Variants in OPCML observed in about 807,000 individuals in gnomAD.
The protein encoded by OPCML is opioid-binding protein/cell adhesion molecule.
OPCML carries 13 observed loss-of-function variants against 37.8 expected under a neutral mutation model. The ratio of observed to expected loss-of-function variants is 0.34; its 90% CI spans 0.22 to 0.55. The LOEUF (loss-of-function observed/expected upper bound fraction) is 0.55, where lower values mean the gene tolerates loss of function less well. Ranked by LOEUF, OPCML falls within the 20% of genes least tolerant of loss-of-function variation. The probability of loss-of-function intolerance (pLI) is 0.91; values close to 1 mark genes in which losing one functional copy is unlikely to be tolerated. For missense variants in OPCML, 341 were observed against 435.6 expected, an observed-to-expected ratio of 0.78 and a Z score of 1.93; for synonymous variants, 176 against 168.8, an observed-to-expected ratio of 1.04 and a Z score of -0.33.
rs144468052 is a variant in OPCML at position 132,629,301 on chromosome 11, C to T, written c.379+27786G>A. 5.9e-3 allele frequency among the ~76,000 whole-genome samples: 900 copies of T among 152,298 alleles called. 13 individuals carry two copies. The highest frequency in any genetic ancestry group is 0.02 in the African/African-American group (832 of 41,568). On this transcript the variant is annotated intron_variant, in intron 3 of 7. Coordinates refer to ENST00000524381, the MANE Select transcript of OPCML (RefSeq NM_001012393.5). ...TCTAATTAAAGCAAATCCCAGGTGTCTGATTAAAACAACTTACTGAGTACA... is the reference window on the plus strand; with the variant it reads ...TCTAATTAAAGCAAATCCCAGGTGTTTGATTAAAACAACTTACTGAGTACA...
At chr11:132,704,328 A>G (rs1943949654) in intron 2 of OPCML, among the ~76,000 whole-genome samples, 1 of 152,248 alleles carries the variant, frequency 6.6e-6, no homozygotes, top group South Asian at 2.1e-4. Context: ...AAAACAAAGA[A>G]GGTCTACCTA....
chr11:132,948,288 A>G (rs917548753), intron 1 of OPCML, among the ~76,000 whole-genome samples: 25 of 152,214 alleles, frequency 1.6e-4, no homozygotes, highest in African/African-American at 5.8e-4. Flanking sequence ...AGGCAGAAGG[A>G]GTGAGAGGAA....
chr11:132,462,614 G>T (rs989869413), intron 4 of OPCML, among the ~76,000 whole-genome samples: 1 of 152,166 alleles, frequency 6.6e-6, no homozygotes, highest in African/African-American at 2.4e-5. Context: ...CTTAGAGCAG[G>T]TTCCTCTGCC....
chr11:133,381,673 G>A (rs1254521026), intron 1 of OPCML, among the ~76,000 whole-genome samples: 1 of 152,196 alleles, frequency 6.6e-6, no homozygotes, highest in Non-Finnish European at 1.5e-5. Context: ...GGAGTGACCA[G>A]AGGGAGACCT....
chr11:132,958,171 A>G (rs1241671133), intron 1 of OPCML, among the ~76,000 whole-genome samples: 1 of 152,266 alleles, frequency 6.6e-6, no homozygotes, highest in Non-Finnish European at 1.5e-5. Context: ...ATAAGAAAGC[A>G]AAACAGTCTT....
chr11:133,490,951 G>A (rs936761975), intron 1 of OPCML, among the ~76,000 whole-genome samples: 2 of 152,220 alleles, frequency 1.3e-5, no homozygotes, highest in East Asian at 3.9e-4. Flanking sequence ...TAGAATGGAA[G>A]CTGCATGAAG....
At chr11:132,617,020 T>C (rs1214543120) in intron 3 of OPCML, among the ~76,000 whole-genome samples, 1 of 152,236 alleles carries the variant, frequency 6.6e-6, no homozygotes, top group Non-Finnish European at 1.5e-5. Context: ...TTATGAAGTT[T>C]TCTTTTCTTT....
intron 1 of OPCML, among the ~76,000 whole-genome samples, chr11:133,306,701 G>T (rs1415460245): frequency 6.6e-6 from 1 of 152,164 alleles, no homozygotes; most frequent in Non-Finnish European, 1.5e-5. Flanking sequence ...TAAGAGTTCA[G>T]TTAAATGATG....
intron 1 of OPCML, chr11:133,298,827 G>C (rs1356490853): frequency 6.6e-6 from 1 of 152,108 alleles, no homozygotes; most frequent in African/African-American, 2.4e-5. Flanking sequence ...ATATCAGACT[G>C]CTTGTGTGAT....
At chr11:132,782,552 G>A (rs546542380) in intron 2 of OPCML, among the ~76,000 whole-genome samples, 1 of 152,278 alleles carries the variant, frequency 6.6e-6, no homozygotes, top group South Asian at 2.1e-4. Context: ...TATGGTTCTG[G>A]CTTCTCTATT....
chr11:133,028,007 T>A (rs1386732306), intron 1 of OPCML, among the ~76,000 whole-genome samples: 6 of 151,930 alleles, frequency 3.9e-5, no homozygotes, highest in Non-Finnish European at 8.8e-5. Flanking sequence ...AAAAGTTGCT[T>A]TCTAGTTATA....
chr11:133,166,958 T>C (rs1469245983), intron 1 of OPCML, among the ~76,000 whole-genome samples: 1 of 152,190 alleles, frequency 6.6e-6, no homozygotes, highest in African/African-American at 2.4e-5. Flanking sequence ...ATTTTTTCTC[T>C]CTCAGTGTTT....
At chr11:132,723,515 G>A (rs1291315619) in intron 2 of OPCML, among the ~76,000 whole-genome samples, 2 of 152,098 alleles carry the variant, frequency 1.3e-5, no homozygotes, top group Non-Finnish European at 2.9e-5. Context: ...TAAACGCTTA[G>A]TGAAGAGTGT....
intron 1 of OPCML, among the ~76,000 whole-genome samples, chr11:132,963,329 C>T (rs977348937): frequency 4.6e-5 from 7 of 151,988 alleles, no homozygotes; most frequent in East Asian, 1.9e-4. Context: ...CGGTGGCTCA[C>T]GCCTGTAATC....
At chr11:133,231,103 C>A (rs1025281775) in intron 1 of OPCML, among the ~76,000 whole-genome samples, 1 of 152,178 alleles carries the variant, frequency 6.6e-6, no homozygotes, top group Non-Finnish European at 1.5e-5. Flanking sequence ...AGAAGCAATG[C>A]AAGGTCATGA....
chr11:133,468,171 T>C (rs1947018877), intron 1 of OPCML, among the ~76,000 whole-genome samples: 1 of 152,202 alleles, frequency 6.6e-6, no homozygotes, highest in Admixed American at 6.5e-5. Context: ...TTGCCTTTCA[T>C]TGATGGCAAT....
chr11:132,430,069 G>A (rs1200822213), intron 7 of OPCML, among the ~76,000 whole-genome samples: 1 of 152,208 alleles, frequency 6.6e-6, no homozygotes, highest in Admixed American at 6.5e-5. Flanking sequence ...GATCGTGGTA[G>A]CTGAGGCATA....
At chr11:132,888,408 A>G (rs1284791868) in intron 2 of OPCML, among the ~76,000 whole-genome samples, 1 of 152,216 alleles carries the variant, frequency 6.6e-6, no homozygotes, top group African/African-American at 2.4e-5. Flanking sequence ...AAGCACAGCC[A>G]TGCCTTCAGC....
chr11:132,527,689 T>G (rs1422256114), intron 4 of OPCML, among the ~76,000 whole-genome samples: 1 of 152,166 alleles, frequency 6.6e-6, no homozygotes, highest in African/African-American at 2.4e-5. Context: ...TTAATTTTGA[T>G]GAAGGCTATG....
Sources: gnomAD v4.1 joint callset for allele counts (sites outside exome capture counted in the v4.1 genomes callset) on GRCh38, gnomAD v4.1.1 for gene constraint, MANE v1.5 for transcripts, NCBI Gene and HGNC (gene_info 2026-07-23, HGNC 2026-07-21) for gene names.